The following MON2 variants were observed in gnomAD, a reference collection of about 807,000 sequenced individuals.
The protein encoded by MON2 is MON2 regulator of endosome-to-Golgi trafficking.
MON2 carries 84 observed loss-of-function variants against 208.6 expected under a neutral mutation model. The observed-to-expected ratio is 0.40, with a 90% CI of 0.34 to 0.48. The LOEUF is 0.48. Among genes scored for constraint, MON2 ranks in the 20% least tolerant of loss-of-function variants. The pLI, the probability that MON2 is intolerant of heterozygous loss-of-function variation, is 0.59. For synonymous variants in MON2, 660 were observed against 694.0 expected (o/e 0.95, Z 0.77); for missense variants, 1,611 against 2,015.4 (o/e 0.80, Z 3.84).
chr12:62,566,557 T>C, intron 29 of MON2, 107 bp downstream of exon 29: 2 of 1,099,718 alleles, frequency 1.8e-6, no homozygotes, highest in Non-Finnish European at 2.5e-6. Context: ...AAAATACAAT[T>C]TGTAGTATTA....
In MON2 at chr12:62,588,372, CT is replaced by C. The variant is rs71086612; in HGVS notation, c.4990+228del. On this transcript the variant is annotated intron_variant, in intron 34 of 34. Coordinates refer to ENST00000393630, the MANE Select transcript of MON2 (RefSeq NM_015026.3). ...ATTTTTTATGAAGCAGTCTACCTTA[CT>C]TTTTTTTTTTTACTATATTGTTCTG... 9.0e-4 allele frequency among the ~76,000 whole-genome samples: 132 copies of C among 146,960 alleles called. 1 individual carries two copies. Among genetic ancestry groups the C allele is most frequent in the South Asian group, 1.3e-3 (6 of 4,664 alleles).
chr12:62,532,549 A>T lies in MON2; in HGVS notation c.1512A>T (p.Glu504Asp). The change falls in exon 12 of 35, where the codon GAA (glutamate) becomes GAT (aspartate). Residue 504 changes from glutamate (E) to aspartate (D), a missense_variant. Coordinates refer to ENST00000393630, the MANE Select transcript of MON2 (RefSeq NM_015026.3). The part of the protein sequence containing the change: ...DLVRGITSMI[E>D]GELGELETEC... ...TTCGTGGAATCACAAGTATGATTGA[A>T]GGAGAGCTAGGAGAGCTTGAAACAG... is the stretch of plus-strand genomic sequence containing the variant. The T allele has an allele frequency of 6.2e-7, 1 of 1,614,048 alleles. No homozygotes were observed. The highest frequency in any genetic ancestry group is 8.5e-7 in the Non-Finnish European group (1 of 1,179,918).
rs147403233 is a variant in MON2, at chr12:62,519,293, C to T, written c.985-5222C>T. Among the ~76,000 whole-genome samples, 696 of 152,160 alleles carry T rather than the reference C, an allele frequency of 4.6e-3. 7 individuals are homozygous for T. The highest frequency in any genetic ancestry group is 0.016 in the African/African-American group (660 of 41,510). ...TTGTGTCCCTACTAGTCCCTGAAAT[C>T]GCCTCAGCTGAGTGATACTGGGGGT... On this transcript the variant is annotated intron_variant, in intron 8 of 34. Transcript: ENST00000393630.
chr12:62,505,348 T>C (rs1442458647), intron 7 of MON2, among the ~76,000 whole-genome samples: 2 of 152,174 alleles, frequency 1.3e-5, no homozygotes, highest in Non-Finnish European at 2.9e-5. Context: ...ATATAGTTGC[T>C]AATTGAAGAT....
At chr12:62,477,107 G>A (rs776028155) in intron 1 of MON2, among the ~76,000 whole-genome samples, 4 of 152,200 alleles carry the variant, frequency 2.6e-5, no homozygotes, top group South Asian at 4.2e-4. Context: ...TTATGAAGGC[G>A]TCACTGTACT....
At position 62,556,156 on chromosome 12, in the gene MON2, A is replaced by G; in HGVS notation, c.3373A>G (p.Ile1125Val). The change falls in exon 25 of 35, where the codon ATC becomes GTC. Residue 1125 changes from isoleucine (I) to valine (V), a missense_variant. Physicochemically the swap from Ile to Val is conservative, Grantham distance 29. Coordinates refer to ENST00000393630, the MANE Select transcript of MON2 (RefSeq NM_015026.3). ...ATTAACATTGGCTGGAGTAGCAAGGATCTTCAACACTAGAAGATATTTGCT... is the reference window on the plus strand; with the variant it reads ...ATTAACATTGGCTGGAGTAGCAAGGGTCTTCAACACTAGAAGATATTTGCT... ...WVLTLAGVARIFNTRRYLLQP... is the reference protein window; with the variant it reads ...WVLTLAGVARVFNTRRYLLQP... The G allele has an allele frequency of 6.2e-7, 1 of 1,614,056 alleles. No homozygotes were observed. The highest frequency in any genetic ancestry group is 8.5e-7 in the Non-Finnish European group (1 of 1,179,982).
intron 25 of MON2, among the ~76,000 whole-genome samples, chr12:62,557,945 TATATATATATATATATA>T (rs1390033414): frequency 0.033 from 1,379 of 41,268 alleles, 46 homozygotes; most frequent in African/African-American, 0.051. Context: ...TATATATATA[TATATATATATATATATA>T]TTTTTTTTTT....
intron 5 of MON2, among the ~76,000 whole-genome samples, chr12:62,499,437 T>C (rs1289561469): frequency 1.3e-5 from 2 of 152,220 alleles, no homozygotes. Context: ...TTGCATTCTG[T>C]TCAGTGTTTT....
chr12:62,489,675 C>T (rs2070001870), intron 2 of MON2, among the ~76,000 whole-genome samples: 2 of 151,854 alleles, frequency 1.3e-5, no homozygotes, highest in Non-Finnish European at 2.9e-5. Context: ...TTTTCTTTTG[C>T]AAAATTACTA....
chr12:62,485,589 A>G (rs1565961442), intron 2 of MON2, among the ~76,000 whole-genome samples: 1 of 152,262 alleles, frequency 6.6e-6, no homozygotes, highest in Non-Finnish European at 1.5e-5. Context: ...CATTATGCAC[A>G]GAAGTAAATA....
At chr12:62,493,276 C>T (rs2070281592) in intron 2 of MON2, among the ~76,000 whole-genome samples, 1 of 152,058 alleles carries the variant, frequency 6.6e-6, no homozygotes, top group Admixed American at 6.6e-5. Context: ...ATTTTTATTG[C>T]CACTTAAAAA....
intron 11 of MON2, among the ~76,000 whole-genome samples, chr12:62,530,175 A>G (rs10877870): frequency 0.12 from 18,319 of 151,232 alleles, 1,387 homozygotes; most frequent in Middle Eastern, 0.26. Context: ...GGAATCACCA[A>G]TCTGCTTTCT....
intron 25 of MON2, among the ~76,000 whole-genome samples, chr12:62,557,926 A>ATT (rs1348626744): frequency 6.0e-4 from 40 of 67,138 alleles, no homozygotes; most frequent in South Asian, 3.8e-3. Context: ...GAACGAATAG[A>ATT]TTTATATATA....
intron 2 of MON2, among the ~76,000 whole-genome samples, chr12:62,491,210 C>G (rs2070116012): frequency 6.6e-6 from 1 of 152,086 alleles, no homozygotes; most frequent in South Asian, 2.1e-4. Context: ...GAATAAAGCA[C>G]CAGTAACAAA....
rs146018020 is a variant in MON2, at chr12:62,579,450, G to A, written c.4576-847G>A. On this transcript the variant is annotated intron_variant, in intron 31 of 34. Coordinates refer to ENST00000393630, the MANE Select transcript of MON2 (RefSeq NM_015026.3). ...CTTTAAAATATACATTTGGCCGGGC[G>A]CGGTGGCTCACACCTGTAATCTCAG... Among the ~76,000 whole-genome samples the A allele has an allele frequency of 7.6e-4, 115 of 151,786 alleles. No homozygotes were observed. The East Asian group carries it at 0.012, about 15-fold the overall frequency.
At chr12:62,499,872 C>CAA (rs563854969) in intron 5 of MON2, among the ~76,000 whole-genome samples, 1 of 145,994 alleles carries the variant, frequency 6.8e-6, no homozygotes, top group African/African-American at 2.5e-5. Context: ...GACTCCATCT[C>CAA]AAAAAAAAAA....
chr12:62,526,221 C>G, intron 11 of MON2, 119 bp downstream of exon 11: 2 of 939,414 alleles, frequency 2.1e-6, no homozygotes, highest in Non-Finnish European at 3.2e-6. Flanking sequence ...TATTTTAGAG[C>G]TCATTTTCTT....
Position 62,594,455 on chromosome 12 carries a change from G to C in MON2, c.*1706G>C, listed in dbSNP as rs1253685453. 1 of 152,050 alleles carries C rather than the reference G, an allele frequency of 6.6e-6. No homozygotes were observed. The highest frequency in any genetic ancestry group is 2.4e-5 in the African/African-American group (1 of 41,400). 9.4% of individuals were successfully genotyped at this position (152,050 alleles called of 1,614,324 possible). A position where few individuals can be genotyped will look rare whatever the true frequency, so the allele number is the denominator to read the frequency against. On this transcript the variant is annotated 3_prime_UTR_variant, in exon 35 of 35. Coordinates refer to ENST00000393630, the MANE Select transcript of MON2 (RefSeq NM_015026.3). The stretch of plus-strand genomic sequence containing the variant: ...TGGCATTTCATAAGTTCTGCTTTCA[G>C]CATTTTCCTTAAAGTTGTAAAAAAT...
At chr12:62,505,755 G>A (rs2071067523) in intron 7 of MON2, among the ~76,000 whole-genome samples, 1 of 151,892 alleles carries the variant, frequency 6.6e-6, no homozygotes, top group Non-Finnish European at 1.5e-5. Flanking sequence ...TGGGCCTGGT[G>A]GCACATGCCT....
Sources: allele counts gnomAD v4.1 joint callset (sites outside exome capture counted in the v4.1 genomes callset), GRCh38; gene constraint gnomAD v4.1.1; transcripts MANE v1.5; gene names NCBI Gene and HGNC (gene_info 2026-07-23, HGNC 2026-07-21).